MAP2K4: variants seen among roughly 807,000 people sequenced by gnomAD.
MAP2K4 encodes dual specificity mitogen-activated protein kinase kinase 4.
MAP2K4 carries 4 observed loss-of-function variants against 48.5 expected under a neutral mutation model. The observed-to-expected ratio is 0.08, with a 90% CI of 0.04 to 0.19. The LOEUF (loss-of-function observed/expected upper bound fraction) is 0.19. MAP2K4 is among the 10% of genes least tolerant of loss of function. The pLI is 1.00. For missense variants in MAP2K4, 258 were observed against 493.3 expected (o/e 0.52, Z 4.52); for synonymous variants, 166 against 173.1 (o/e 0.96, Z 0.32).
At chr17:12,083,411 C>T (rs1971255753) in intron 3 of MAP2K4, among the ~76,000 whole-genome samples, 1 of 152,316 alleles carries the variant, frequency 6.6e-6, no homozygotes, top group Non-Finnish European at 1.5e-5. Flanking sequence ...TATTAAAAAT[C>T]CCAGCTGTAC....
intron 1 of MAP2K4, among the ~76,000 whole-genome samples, chr17:12,048,217 G>T (rs763755272): frequency 1.2e-4 from 19 of 152,174 alleles, no homozygotes; most frequent in Admixed American, 5.2e-4. Flanking sequence ...AACAGTCTTT[G>T]TGGAGGGGTC....
At chr17:12,026,134 A>T (rs112819539) in intron 1 of MAP2K4, among the ~76,000 whole-genome samples, 3 of 152,352 alleles carry the variant, frequency 2.0e-5, no homozygotes, top group African/African-American at 7.2e-5. Flanking sequence ...GTGGAAAAAC[A>T]TCTCACCTCA....
rs372768207 is a variant in MAP2K4, at chr17:12,048,042, C to CT, written c.116-6838dup. Among the ~76,000 whole-genome samples, 79 of 151,298 alleles carry CT rather than the reference C, an allele frequency of 5.2e-4. 1 individual carries two copies. In the South Asian group the frequency reaches 5.9e-3, roughly 11 times the overall value. ...ACCTCCTTGTACTACATTTCTTTTT[C>CT]TTTTTTTTTGAGACAGGATCTCACT... On this transcript the variant is annotated intron_variant, in intron 1 of 10. Transcript: ENST00000353533.
rs56309746 is a variant in MAP2K4 at position 12,069,890 on chromosome 17, CATATATATATATATATATATAT to C, written c.219-11425_219-11404del. On this transcript the variant is annotated intron_variant, in intron 2 of 10. Coordinates refer to ENST00000353533, the MANE Select transcript of MAP2K4 (RefSeq NM_003010.4). ...ATTTTCCTGTCTAAGGAAGATTAGT[CATATATATATATATATATATAT>C]ATATATATATATATATATATATATA... The C allele has an allele frequency of 4.9e-3, 891 of 182,890 alleles. 11 individuals carry two copies. Among genetic ancestry groups the C allele is most frequent in the African/African-American group, 0.013 (172 of 13,066 alleles). The allele number at this position is 182,890 out of a possible 1,614,324, so 11.3% of individuals were successfully genotyped here.
intron 1 of MAP2K4, among the ~76,000 whole-genome samples, chr17:12,023,838 C>T (rs1969170456): frequency 6.6e-6 from 1 of 152,170 alleles, no homozygotes. Context: ...CAGTTTCTCA[C>T]TTGGAAAGTG....
chr17:12,094,252 A>G (rs1971657208), intron 3 of MAP2K4, among the ~76,000 whole-genome samples: 1 of 152,246 alleles, frequency 6.6e-6, no homozygotes, highest in Non-Finnish European at 1.5e-5. Context: ...AGCAAGCTGT[A>G]AATTTTAAGT....
intron 8 of MAP2K4, among the ~76,000 whole-genome samples, chr17:12,125,757 T>C (rs1258214147): frequency 1.3e-5 from 2 of 152,218 alleles, no homozygotes; most frequent in Non-Finnish European, 1.5e-5. Flanking sequence ...CCAGTAATAC[T>C]GTATATAGTG....
chr17:12,126,482 T>C (rs1972857679), intron 8 of MAP2K4, among the ~76,000 whole-genome samples: 1 of 152,180 alleles, frequency 6.6e-6, no homozygotes, highest in African/African-American at 2.4e-5. Context: ...ACTGACAGAT[T>C]TGGTGGCTAG....
chr17:12,089,502 A>T (rs973079028), intron 3 of MAP2K4, among the ~76,000 whole-genome samples: 23 of 152,116 alleles, frequency 1.5e-4, no homozygotes, highest in African/African-American at 5.1e-4. Flanking sequence ...GATTTCCTCT[A>T]ATGATTGAAT....
chr17:12,141,114 CT>C (rs2151599677), intron 10 of MAP2K4, 32 bp from the exon 11 acceptor site: 1 of 1,408,832 alleles, frequency 7.1e-7, no homozygotes, highest in Non-Finnish European at 1.0e-6. Flanking sequence ...GTCATACAAA[CT>C]TTTGACTTTT....
intron 10 of MAP2K4, among the ~76,000 whole-genome samples, chr17:12,140,255 C>T (rs1973335236): frequency 6.6e-6 from 1 of 152,020 alleles, no homozygotes; most frequent in African/African-American, 2.4e-5. Flanking sequence ...TGCAAATTTA[C>T]GTCATATAGC....
chr17:12,137,969 C>T (rs936325899), intron 9 of MAP2K4, among the ~76,000 whole-genome samples: 2 of 151,588 alleles, frequency 1.3e-5, no homozygotes, highest in Admixed American at 1.3e-4. Context: ...GCAAAATTAC[C>T]GAGCAATATC....
intron 1 of MAP2K4, among the ~76,000 whole-genome samples, chr17:12,037,747 A>T (rs1047633635): frequency 6.6e-6 from 1 of 152,096 alleles, no homozygotes; most frequent in Non-Finnish European, 1.5e-5. Flanking sequence ...TGTCAATGGG[A>T]AGTCCATCTG....
At chr17:12,070,719 T>G (rs1472466013) in intron 2 of MAP2K4, among the ~76,000 whole-genome samples, 2 of 152,130 alleles carry the variant, frequency 1.3e-5, no homozygotes, top group Non-Finnish European at 2.9e-5. Flanking sequence ...GTAAGTAAAG[T>G]TTTATTGGAA....
At chr17:12,059,213 A>G (rs1231776073) in intron 2 of MAP2K4, among the ~76,000 whole-genome samples, 1 of 152,232 alleles carries the variant, frequency 6.6e-6, no homozygotes, top group Non-Finnish European at 1.5e-5. Context: ...ATAGCCAAAG[A>G]GTACAAAGAA....
At chr17:12,117,499 A>T (rs1399330315) in intron 7 of MAP2K4, among the ~76,000 whole-genome samples, 2 of 152,122 alleles carry the variant, frequency 1.3e-5, no homozygotes, top group African/African-American at 4.8e-5. Context: ...ATGCCTACAA[A>T]GGGTAATAAA....
intron 2 of MAP2K4, among the ~76,000 whole-genome samples, chr17:12,075,858 C>G (rs1970983061): frequency 6.6e-6 from 1 of 152,152 alleles, no homozygotes. Context: ...GTATAATATG[C>G]TGTTTTTGCA....
chr17:12,126,445 G>A (rs771927241), intron 8 of MAP2K4, among the ~76,000 whole-genome samples: 13 of 152,138 alleles, frequency 8.5e-5, no homozygotes, highest in Non-Finnish European at 1.2e-4. Context: ...TCACAGTTTC[G>A]GAGGCTGGGA....
chr17:12,051,946 C>T (rs1041841388), intron 1 of MAP2K4, among the ~76,000 whole-genome samples: 4 of 151,818 alleles, frequency 2.6e-5, no homozygotes, highest in African/African-American at 9.7e-5. Context: ...AAGCTCATGC[C>T]TCCAGGTAGC....
Sources: gnomAD v4.1 joint callset for allele counts (sites outside exome capture counted in the v4.1 genomes callset) on GRCh38, gnomAD v4.1.1 for gene constraint, MANE v1.5 for transcripts, NCBI Gene and HGNC (gene_info 2026-07-23, HGNC 2026-07-21) for gene names.